Variants in GALNT2 observed in about 807,000 individuals in gnomAD.
GALNT2 encodes polypeptide N-acetylgalactosaminyltransferase 2.
In GALNT2, 31 loss-of-function variants were observed where a neutral mutation model predicts 81.4. The ratio of observed to expected loss-of-function variants is 0.38; its 90% confidence interval spans 0.29 to 0.51. GALNT2 has a LOEUF of 0.51. Ranked by LOEUF, GALNT2 falls within the 20% of genes least tolerant of loss-of-function variation. GALNT2 has a pLI of 0.87. For missense variants in GALNT2, 629 were observed against 765.7 expected (o/e 0.82, Z 2.11); for synonymous variants, 303 against 287.4 (o/e 1.05, Z -0.55).
chr1:230,196,957 A>G (rs571895887), intron 2 of GALNT2, among the ~76,000 whole-genome samples: 125 of 152,238 alleles, frequency 8.2e-4, no homozygotes, highest in African/African-American at 2.7e-3. Context: ...TGGAAAACCT[A>G]GGGACCTAAC....
At chr1:230,081,929 G>A (rs531251369) in intron 1 of GALNT2, among the ~76,000 whole-genome samples, 59 of 152,338 alleles carry the variant, frequency 3.9e-4, no homozygotes, top group African/African-American at 1.4e-3. Flanking sequence ...GAGAGTTAGT[G>A]AGTTGATGAA....
chr1:230,205,372 GTGTT>G (rs1354751548), intron 3 of GALNT2, among the ~76,000 whole-genome samples: 2 of 152,052 alleles, frequency 1.3e-5, no homozygotes, highest in Non-Finnish European at 2.9e-5. Flanking sequence ...GTGTGTGTGT[GTGTT>G]TGTGTGTTAA....
chr1:230,200,029 A>G (rs1045179450), intron 2 of GALNT2, among the ~76,000 whole-genome samples: 2 of 147,418 alleles, frequency 1.4e-5, no homozygotes, highest in African/African-American at 2.5e-5. Context: ...TTATTGATAC[A>G]TTTATTAGTA....
chr1:230,256,849 A>C (rs113419343), intron 11 of GALNT2, among the ~76,000 whole-genome samples: 5 of 152,274 alleles, frequency 3.3e-5, no homozygotes, highest in African/African-American at 1.2e-4. Context: ...TGAAGAAGGT[A>C]AGATGCAGTC....
rs542334572 is a variant in GALNT2 at position 230,125,948 on chromosome 1, G to A, written c.127-52270G>A. On this transcript the variant is annotated intron_variant, in intron 1 of 15. Transcript: ENST00000366672. Reference sequence around the variant, plus strand: ...ATTCCATGTGAATATACGAAGGAAGGTGGCTCCCCACCCAGTGCTCAGAGG... The same window carrying A: ...ATTCCATGTGAATATACGAAGGAAGATGGCTCCCCACCCAGTGCTCAGAGG... 2.0e-5 allele frequency among the ~76,000 whole-genome samples: 3 copies of A among 152,316 alleles called. No individual in the cohort carries two copies. The South Asian group carries it at 6.2e-4, about 32-fold the overall frequency.
intron 1 of GALNT2, among the ~76,000 whole-genome samples, chr1:230,081,638 G>A (rs1253694875): frequency 6.6e-6 from 1 of 152,186 alleles, no homozygotes; most frequent in Non-Finnish European, 1.5e-5. Flanking sequence ...CCCTGTGAGG[G>A]CTGAGGACTA....
chr1:230,155,912 C>A (rs1405260085), intron 1 of GALNT2, among the ~76,000 whole-genome samples: 1 of 151,924 alleles, frequency 6.6e-6, no homozygotes, highest in Non-Finnish European at 1.5e-5. Context: ...GTGATTTTGC[C>A]ACATGGAGAG....
chr1:230,254,865 A>T (rs1344650039), intron 10 of GALNT2, among the ~76,000 whole-genome samples: 1 of 152,238 alleles, frequency 6.6e-6, no homozygotes, highest in African/African-American at 2.4e-5. Context: ...AGTTACGATG[A>T]TACTGGGGTA....
At chr1:230,118,202 G>T (rs561820024) in intron 1 of GALNT2, among the ~76,000 whole-genome samples, 2 of 152,182 alleles carry the variant, frequency 1.3e-5, no homozygotes, top group African/African-American at 4.8e-5. Context: ...ATACTGTTCC[G>T]TTGTCTGGAT....
At chr1:230,223,630 C>T (rs193298592) in intron 3 of GALNT2, among the ~76,000 whole-genome samples, 11 of 152,160 alleles carry the variant, frequency 7.2e-5, no homozygotes, top group Non-Finnish European at 1.5e-4. Context: ...GCCATCACAC[C>T]GGGTAAATTT....
At chr1:230,251,260 G>A (rs1290423183) in intron 10 of GALNT2, among the ~76,000 whole-genome samples, 2 of 152,132 alleles carry the variant, frequency 1.3e-5, no homozygotes, top group Non-Finnish European at 1.5e-5. Context: ...CATTCTGAGC[G>A]AATTCTCCTG....
chr1:230,267,723 C>T lies in GALNT2; in HGVS notation c.1440+2356C>T, dbSNP rs986899278. ...AGGGAAGAACAAACAGAGTGGAAGA[C>T]GAAGCGGGTGAAAGGAGGAGGAGCC... On this transcript the variant is annotated intron_variant, in intron 14 of 15. Coordinates refer to ENST00000366672, the MANE Select transcript of GALNT2 (RefSeq NM_004481.5). Among the ~76,000 whole-genome samples the T allele has an allele frequency of 3.9e-5, 6 of 152,154 alleles. No homozygotes were observed. The East Asian group carries it at 5.8e-4, about 15-fold the overall frequency.
chr1:230,081,640 T>C (rs1659733682), intron 1 of GALNT2, among the ~76,000 whole-genome samples: 1 of 152,234 alleles, frequency 6.6e-6, no homozygotes, highest in Non-Finnish European at 1.5e-5. Context: ...CTGTGAGGGC[T>C]GAGGACTAGT....
chr1:230,108,365 G>A (rs571075129), intron 1 of GALNT2, among the ~76,000 whole-genome samples: 131 of 152,264 alleles, frequency 8.6e-4, no homozygotes, highest in Non-Finnish European at 1.6e-3. Context: ...CGTTCAGTAC[G>A]TTCCTCAATT....
chr1:230,107,298 A>G (rs887141615), intron 1 of GALNT2, among the ~76,000 whole-genome samples: 1 of 152,218 alleles, frequency 6.6e-6, no homozygotes, highest in African/African-American at 2.4e-5. Flanking sequence ...AGCCAGGGAC[A>G]GTGGCTCATG....
chr1:230,119,050 A>G (rs1428115160), intron 1 of GALNT2, among the ~76,000 whole-genome samples: 1 of 152,164 alleles, frequency 6.6e-6, no homozygotes, highest in Admixed American at 6.5e-5. Flanking sequence ...ATACTTAAAA[A>G]CAATTAACAA....
intron 1 of GALNT2, among the ~76,000 whole-genome samples, chr1:230,102,312 T>C (rs1304186122): frequency 2.6e-5 from 4 of 152,138 alleles, no homozygotes; most frequent in Non-Finnish European, 4.4e-5. Context: ...CTTGGCCTAA[T>C]GTACAGTTTT....
chr1:230,235,905 C>A, intron 3 of GALNT2, 109 bp from the exon 4 acceptor site: 1 of 875,490 alleles, frequency 1.1e-6, no homozygotes, highest in Non-Finnish European at 1.8e-6. Context: ...ACAAGTTAAT[C>A]ATAGCATGTC....
intron 2 of GALNT2, among the ~76,000 whole-genome samples, chr1:230,179,112 G>A (rs1295324260): frequency 6.6e-6 from 1 of 150,422 alleles, no homozygotes; most frequent in African/African-American, 2.4e-5. Flanking sequence ...TATATTTAAG[G>A]TTCCTCCATG....
Sources: allele counts gnomAD v4.1 joint callset (sites outside exome capture counted in the v4.1 genomes callset), GRCh38; gene constraint gnomAD v4.1.1; transcripts MANE v1.5; gene names NCBI Gene and HGNC (gene_info 2026-07-23, HGNC 2026-07-21).